CCDC51: variants seen among roughly 807,000 people sequenced by gnomAD.
The protein encoded by CCDC51 is mitochondrial potassium channel.
In CCDC51, 25 loss-of-function variants were observed where a neutral mutation model predicts 24.8. That is an observed-to-expected ratio of 1.01 (90% CI 0.73 to 1.41). The LOEUF is 1.41. Ranked by LOEUF, CCDC51 falls within the 40% of genes most tolerant of loss-of-function variation. The pLI is 0.00. For synonymous variants in CCDC51, 190 were observed against 204.3 expected (o/e 0.93, Z 0.60); for missense variants, 466 against 519.1 (o/e 0.90, Z 0.99).
the CCDC51 span, among the ~76,000 whole-genome samples, chr3:48,445,919 C>T: frequency 2.0e-5 from 3 of 152,132 alleles, no homozygotes; most frequent in Non-Finnish European, 4.4e-5. Flanking sequence ...AATTGCTGCT[C>T]CTTTGTGAAG....
Position 48,433,314 on chromosome 3 carries a change from G to A in CCDC51, c.478-148C>T, listed in dbSNP as rs534734535. The A allele has an allele frequency of 1.3e-5, 10 of 776,456 alleles. No homozygotes were observed. In the African/African-American group the frequency reaches 1.6e-4, roughly 12 times the overall value. The allele number at this position is 776,456 out of a possible 1,614,324, so 48.1% of individuals were successfully genotyped here. ...AATGAATGAAGGTAGCACCAACCTG[G>A]CTGGGTCAGAAGGGCAAAGGAATTG... is the stretch of plus-strand genomic sequence containing the variant. On this transcript the variant is annotated intron_variant, in intron 3 of 3. Transcript: ENST00000395694. This position sits in a 1 kb window ranked among gnomAD's most constrained non-coding sequence, Gnocchi z 4.4.
Position 48,432,598 on chromosome 3 carries a change from A to C in CCDC51, c.1046T>G (p.Leu349Arg). 2.5e-6 allele frequency: 4 copies of C among 1,614,242 alleles called. No homozygotes were observed. The South Asian group carries it at 3.3e-5, about 13-fold the overall frequency. ...QLVKSAAHPG[L>R]VEPADGAMPS... is the part of the protein sequence containing the mutation. Reference sequence around the variant, plus strand: ...CATAGCCCCGTCTGCTGGTTCCACCAGGCCTGGGTGTGCTGCAGACTTTAC... The same window carrying C: ...CATAGCCCCGTCTGCTGGTTCCACCCGGCCTGGGTGTGCTGCAGACTTTAC... The change falls in exon 4 of 4, where the codon CTG becomes CGG. Residue 349 changes from leucine to arginine, a missense_variant. Coordinates refer to ENST00000395694, the MANE Select transcript of CCDC51 (RefSeq NM_001256964.2).
chr3:48,440,484 C>T (rs767065816), upstream of CCDC51: 1 of 1,607,258 alleles, frequency 6.2e-7, no homozygotes, highest in East Asian at 2.2e-5. Flanking sequence ...GAGGCACTGG[C>T]GGGTGCGGGG....
chr3:48,440,683 G>A (rs1230986189), upstream of CCDC51: 1 of 1,508,130 alleles, frequency 6.6e-7, no homozygotes, highest in Non-Finnish European at 9.1e-7. Context: ...GCACCTATTG[G>A]GATGAGGGCG....
chr3:48,433,699 G>C lies in CCDC51; in HGVS notation c.477+8C>G. 1 of 1,611,890 alleles carries C rather than the reference G, an allele frequency of 6.2e-7. No homozygotes were observed. Among genetic ancestry groups the C allele is most frequent in the Non-Finnish European group, 8.5e-7 (1 of 1,178,698 alleles). The stretch of plus-strand genomic sequence containing the variant: ...AGGTGCGAAAGGGCTGCCTCCTGAG[G>C]TGCCTACCTGCAGCATCCTGTGCTC... On this transcript the variant is annotated splice_region_variant and intron_variant, in intron 3 of 3. Coordinates refer to ENST00000395694, the MANE Select transcript of CCDC51 (RefSeq NM_001256964.2). The surrounding 1 kb of genome is among the most constrained non-coding windows in gnomAD (Gnocchi z 4.4).
chr3:48,440,314 TAA>T, upstream of CCDC51: 1 of 1,609,512 alleles, frequency 6.2e-7, no homozygotes, highest in Non-Finnish European at 8.5e-7. Flanking sequence ...GCCGCGAAGG[TAA>T]GTGTTCCGGA....
rs1425540476 is a variant in CCDC51 at position 48,435,806 on chromosome 3, C to G, written c.-8-670G>C. On this transcript the variant is annotated intron_variant, in intron 1 of 3. Transcript: ENST00000395694. The surrounding 1 kb of genome is among the most constrained non-coding windows in gnomAD (Gnocchi z 4.2). ...AAACAAAACAAAACTGTTTTTGCCA[C>G]AGAGGACTTTTCTTAGGTTCACGCC... Among the ~76,000 whole-genome samples the G allele has an allele frequency of 6.6e-6, 1 of 152,096 alleles. No homozygotes were observed. The highest frequency in any genetic ancestry group is 1.5e-5 in the Non-Finnish European group (1 of 68,002).
upstream of CCDC51, among the ~76,000 whole-genome samples, chr3:48,443,318 C>T (rs996510868): frequency 6.7e-6 from 1 of 149,380 alleles, no homozygotes; most frequent in Admixed American, 6.7e-5. Context: ...GAATCTGAGG[C>T]AGGCAGATCA....
At chr3:48,441,993 G>A (rs781276040), upstream of CCDC51, among the ~76,000 whole-genome samples, 10 of 151,466 alleles carry the variant, frequency 6.6e-5, no homozygotes, top group Non-Finnish European at 1.3e-4. Flanking sequence ...AAGTGCTTTG[G>A]GAGGCCTAAG....
the CCDC51 span, chr3:48,446,270 A>C: frequency 6.6e-6 from 1 of 152,236 alleles, no homozygotes; most frequent in African/African-American, 2.4e-5. Context: ...TCAAATGTAC[A>C]CATGTGAAAC....
At chr3:48,439,053 C>T (rs2107150729) in intron 1 of CCDC51, among the ~76,000 whole-genome samples, 1 of 152,322 alleles carries the variant, frequency 6.6e-6, no homozygotes, top group East Asian at 1.9e-4. Context: ...TCAAGTCCTG[C>T]TCAAATAGTA....
Position 48,432,712 on chromosome 3 carries a change from C to G in CCDC51, c.932G>C (p.Arg311Thr). The G allele has an allele frequency of 6.2e-7, 1 of 1,614,234 alleles. No individual in the cohort carries two copies. Among genetic ancestry groups the G allele is most frequent in the Non-Finnish European group, 8.5e-7 (1 of 1,180,042 alleles). Residue 311 changes from arginine to threonine, a missense_variant, in exon 4 of 4, where the codon AGG becomes ACG. Coordinates refer to ENST00000395694, the MANE Select transcript of CCDC51 (RefSeq NM_001256964.2). ...GCCTTCTAGACATGAATGGACTTGCCTGGAATGACTAAGCTGCTCTTTCAA... is the reference window on the plus strand; with the variant it reads ...GCCTTCTAGACATGAATGGACTTGCGTGGAATGACTAAGCTGCTCTTTCAA... The part of the protein sequence containing the change: ...AALKEQLSHS[R>T]QVHSCLEGLR...
In CCDC51 at chr3:48,433,563, C is replaced by T; in HGVS notation, c.477+144G>A. The T allele has an allele frequency of 1.2e-6, 1 of 853,454 alleles. No individual in the cohort carries two copies. The highest frequency in any genetic ancestry group is 1.8e-6 in the Non-Finnish European group (1 of 546,392). 52.9% of individuals were successfully genotyped at this position (853,454 alleles called of 1,614,324 possible). On this transcript the variant is annotated intron_variant, in intron 3 of 3. Coordinates refer to ENST00000395694, the MANE Select transcript of CCDC51 (RefSeq NM_001256964.2). This position sits in a 1 kb window ranked among gnomAD's most constrained non-coding sequence, Gnocchi z 4.4. ...GGATAGACTCTGGAAGCTTGGGGTT[C>T]TGTCCATCCATAGGAGCTTCTGGCT...
intron 1 of CCDC51, 50 bp downstream of exon 1, chr3:48,439,938 A>G (rs1228077842): frequency 1.4e-5 from 5 of 366,990 alleles, no homozygotes; most frequent in Non-Finnish European, 2.5e-5. Flanking sequence ...TGGTTCCAGG[A>G]AAGCGACGAG....
chr3:48,440,591 G>C (rs934455217), upstream of CCDC51: 1 of 1,611,834 alleles, frequency 6.2e-7, no homozygotes. Context: ...AGAAACTCGA[G>C]GAGCTAAAAG....
At chr3:48,441,203 G>C (rs1403359953), upstream of CCDC51, among the ~76,000 whole-genome samples, 2 of 151,798 alleles carry the variant, frequency 1.3e-5, no homozygotes, top group Non-Finnish European at 2.9e-5. Context: ...TTGAGACGGA[G>C]TGCGGCTAAT....
In CCDC51 at chr3:48,432,594, C is replaced by T. The variant is rs1233094363; in HGVS notation, c.1050G>A (p.Val350=). ...LVKSAAHPGL[V]EPADGAMPSF... ...TGGGCATAGCCCCGTCTGCTGGTTC[C>T]ACCAGGCCTGGGTGTGCTGCAGACT... Residue 350 remains valine, a synonymous_variant, in exon 4 of 4, where the codon GTG becomes GTA. Transcript: ENST00000395694. 1.9e-6 allele frequency: 3 copies of T among 1,614,288 alleles called. No homozygotes were observed. In the Admixed American group the frequency reaches 5.0e-5, roughly 27 times the overall value.
chr3:48,433,277 A>T lies in CCDC51; in HGVS notation c.478-111T>A, dbSNP rs1269371624. ...GTGCCTGGCAGAGTACATGTTCCAT[A>T]GACCCATGCTGAATGAATGAAGGTA... On this transcript the variant is annotated intron_variant, in intron 3 of 3. Coordinates refer to ENST00000395694, the MANE Select transcript of CCDC51 (RefSeq NM_001256964.2). This position sits in a 1 kb window ranked among gnomAD's most constrained non-coding sequence, Gnocchi z 4.4. 2 of 1,049,372 alleles carry T rather than the reference A, an allele frequency of 1.9e-6. No individual in the cohort carries two copies. The highest frequency in any genetic ancestry group is 2.8e-6 in the Non-Finnish European group (2 of 726,840). 65.0% of individuals were successfully genotyped at this position (1,049,372 alleles called of 1,614,324 possible).
intron 1 of CCDC51, among the ~76,000 whole-genome samples, chr3:48,436,415 A>G: frequency 6.6e-6 from 1 of 152,294 alleles, no homozygotes. Flanking sequence ...TTGGGTAGAA[A>G]CATGTCTTCT....
Sources: gnomAD v4.1 joint callset for allele counts (sites outside exome capture counted in the v4.1 genomes callset) on GRCh38, gnomAD v4.1.1 for gene constraint, Gnocchi (gnomAD v3.1) non-coding constraint, MANE v1.5 for transcripts, NCBI Gene and HGNC (gene_info 2026-07-23, HGNC 2026-07-21) for gene names.